DKK3: variants seen among roughly 807,000 people sequenced by gnomAD.
DKK3 encodes the protein dickkopf Wnt signaling pathway inhibitor 3.
A neutral mutation model predicts 33.2 loss-of-function variants in DKK3; 22 were observed. The ratio of observed to expected loss-of-function variants is 0.66; its 90% CI spans 0.47 to 0.95. The LOEUF is 0.95. DKK3 is among the 40% of genes least tolerant of loss of function. The pLI, the probability that DKK3 is intolerant of heterozygous loss-of-function variation, is 0.00. For synonymous variants in DKK3, 194 were observed against 188.8 expected, an observed-to-expected ratio of 1.03 and a Z score of -0.23; for missense variants, 398 against 458.4, an observed-to-expected ratio of 0.87 and a Z score of 1.20.
At chr11:11,969,287 G>A (rs374359118) in intron 3 of DKK3, among the ~76,000 whole-genome samples, 6 of 152,190 alleles carry the variant, frequency 3.9e-5, no homozygotes, top group African/African-American at 1.4e-4. Context: ...CCTACGAACC[G>A]GCAGCTTTAC....
chr11:11,988,284 A>T (rs1848112288), intron 3 of DKK3, among the ~76,000 whole-genome samples: 1 of 152,242 alleles, frequency 6.6e-6, no homozygotes, highest in Admixed American at 6.5e-5. Context: ...CATTTTTCCC[A>T]TAGTCTGCTG....
At chr11:12,007,296 G>A (rs1848556778) in intron 1 of DKK3, among the ~76,000 whole-genome samples, 1 of 152,234 alleles carries the variant, frequency 6.6e-6, no homozygotes, top group Non-Finnish European at 1.5e-5. Context: ...AGCCAGACCA[G>A]GGGCCAACCA....
At chr11:12,008,628 A>T, upstream of DKK3, 2 of 1,333,274 alleles carry the variant, frequency 1.5e-6, no homozygotes, top group African/African-American at 1.5e-5. The surrounding 1 kb of genome is among the most constrained non-coding windows in gnomAD (Gnocchi z 4.6). Context: ...CCGGAACGCG[A>T]TCAGAGGCGC....
At chr11:11,992,568 A>G (rs1848209472) in intron 3 of DKK3, among the ~76,000 whole-genome samples, 3 of 152,116 alleles carry the variant, frequency 2.0e-5, no homozygotes, top group African/African-American at 7.2e-5. Flanking sequence ...CACCTCCCTA[A>G]TCACCTCACA....
chr11:11,984,428 G>A (rs966931540), intron 3 of DKK3, among the ~76,000 whole-genome samples: 1 of 130,254 alleles, frequency 7.7e-6, no homozygotes, highest in Non-Finnish European at 1.6e-5. Context: ...CTATTGGTAC[G>A]AAGTACTGCA....
chr11:11,993,733 C>T (rs538662256), intron 3 of DKK3, among the ~76,000 whole-genome samples: 6 of 152,282 alleles, frequency 3.9e-5, no homozygotes, highest in East Asian at 1.9e-4. Context: ...ATATAAATCT[C>T]GAAACACAAA....
chr11:11,995,325 T>C (rs1345355178), intron 3 of DKK3, among the ~76,000 whole-genome samples: 1 of 152,132 alleles, frequency 6.6e-6, no homozygotes, highest in Non-Finnish European at 1.5e-5. Context: ...CTTCAAGTGA[T>C]CCTCCCACCT....
intron 3 of DKK3, among the ~76,000 whole-genome samples, chr11:11,969,740 C>T (rs919428285): frequency 7.2e-5 from 11 of 152,174 alleles, no homozygotes; most frequent in Non-Finnish European, 1.0e-4. Flanking sequence ...CCTGGACCTC[C>T]GGCAGCTGCC....
intron 5 of DKK3, among the ~76,000 whole-genome samples, chr11:11,966,340 T>C (rs75884055): frequency 8.3e-4 from 126 of 151,778 alleles, no homozygotes; most frequent in African/African-American, 2.8e-3. Context: ...CAAGAAGTAG[T>C]GGAGAGAAAA....
At chr11:11,966,011 A>G in intron 5 of DKK3, 46 bp from the exon 6 acceptor site, 1 of 1,551,134 alleles carries the variant, frequency 6.4e-7, no homozygotes, top group South Asian at 1.2e-5. Flanking sequence ...TGTAGGGTAG[A>G]AGGGCTCCAA....
rs765865659 is a variant in DKK3, at chr11:11,964,450, A to G, written c.*14T>C. The G allele has an allele frequency of 6.2e-7, 1 of 1,607,108 alleles. No homozygotes were observed. Among genetic ancestry groups the G allele is most frequent in the African/African-American group, 1.3e-5 (1 of 74,836 alleles). On this transcript the variant is annotated 3_prime_UTR_variant, in exon 7 of 7. Coordinates refer to ENST00000683431, the MANE Select transcript of DKK3 (RefSeq NM_001018057.2). ...CTATTTCTATTGCACATCTACCCAC[A>G]GCCTGGTCCAGATCTAAATCTCTTC... is the stretch of plus-strand genomic sequence containing the variant.
chr11:12,003,342 T>C (rs902624847), intron 1 of DKK3, among the ~76,000 whole-genome samples: 4 of 152,176 alleles, frequency 2.6e-5, no homozygotes, highest in African/African-American at 9.7e-5. Flanking sequence ...AGAGGGACCC[T>C]TGTAGAGGGT....
chr11:11,974,502 G>A (rs773260199), intron 3 of DKK3, among the ~76,000 whole-genome samples: 39 of 152,116 alleles, frequency 2.6e-4, no homozygotes, highest in Non-Finnish European at 4.4e-4. Flanking sequence ...AAAGTGAAAG[G>A]GCCACAAGAA....
At chr11:11,974,665 T>C (rs1847795357) in intron 3 of DKK3, among the ~76,000 whole-genome samples, 1 of 152,192 alleles carries the variant, frequency 6.6e-6, no homozygotes, top group Non-Finnish European at 1.5e-5. Context: ...AAATTGAATT[T>C]CAACATGAGT....
chr11:11,980,960 C>A (rs16910276), intron 3 of DKK3, among the ~76,000 whole-genome samples: 16,277 of 152,144 alleles, frequency 0.11, 2,220 homozygotes, highest in African/African-American at 0.32. Flanking sequence ...AAGACCTGCA[C>A]TGAAATCACT....
intron 3 of DKK3, among the ~76,000 whole-genome samples, chr11:11,987,678 C>A (rs140032830): frequency 6.6e-6 from 1 of 152,166 alleles, no homozygotes; most frequent in Non-Finnish European, 1.5e-5. Flanking sequence ...TTCAGGGGAC[C>A]CTGTGAATTC....
intron 3 of DKK3, among the ~76,000 whole-genome samples, chr11:11,979,446 C>T (rs1847909799): frequency 6.6e-6 from 1 of 152,236 alleles, no homozygotes; most frequent in South Asian, 2.1e-4. Context: ...CAAGTTCTCA[C>T]CAGGTTCTCA....
chr11:12,000,734 G>A (rs1048198421), intron 2 of DKK3, among the ~76,000 whole-genome samples: 1 of 151,294 alleles, frequency 6.6e-6, no homozygotes, highest in African/African-American at 2.4e-5. Context: ...GGCCAGGCTG[G>A]TCTCGAACTC....
chr11:11,974,995 A>C (rs56411834), intron 3 of DKK3, among the ~76,000 whole-genome samples: 18,066 of 152,236 alleles, frequency 0.12, 1,365 homozygotes, highest in Middle Eastern at 0.37. Flanking sequence ...ATGGAAGAAA[A>C]GCTCAGATTT....
Sources: allele counts gnomAD v4.1 joint callset (sites outside exome capture counted in the v4.1 genomes callset), GRCh38; gene constraint gnomAD v4.1.1; non-coding constraint Gnocchi (gnomAD v3.1); transcripts MANE v1.5; gene names NCBI Gene and HGNC (gene_info 2026-07-23, HGNC 2026-07-21).